Variants in CWF19L2 observed in about 807,000 individuals in gnomAD.
CWF19L2 encodes the protein CWF19 like cell cycle control factor 2.
In CWF19L2, 98 loss-of-function variants were observed where a neutral mutation model predicts 111.7. That is an observed-to-expected ratio of 0.88 (90% CI 0.75 to 1.04). The LOEUF (loss-of-function observed/expected upper bound fraction) is 1.04, where lower values mean the gene tolerates loss of function less well. Ranked by LOEUF, CWF19L2 falls within the 50% of genes least tolerant of loss-of-function variation. The pLI is 0.00. For missense variants in CWF19L2, 1,101 were observed against 1,051.4 expected, an observed-to-expected ratio of 1.05 and a Z score of -0.65; for synonymous variants, 351 against 342.9, an observed-to-expected ratio of 1.02 and a Z score of -0.26.
chr11:107,407,783 A>G (rs1157152515), intron 10 of CWF19L2, among the ~76,000 whole-genome samples: 1 of 152,084 alleles, frequency 6.6e-6, no homozygotes, highest in Non-Finnish European at 1.5e-5. Context: ...ACTATCCAAA[A>G]CAACTACTCT....
chr11:107,360,173 CATT>C (rs2134554700), intron 12 of CWF19L2, among the ~76,000 whole-genome samples: 1 of 152,286 alleles, frequency 6.6e-6, no homozygotes, highest in African/African-American at 2.4e-5. Flanking sequence ...CATGTGTATA[CATT>C]ATTTAGCTCC....
At chr11:107,343,672 T>C (rs1432456872) in intron 14 of CWF19L2, among the ~76,000 whole-genome samples, 2 of 152,172 alleles carry the variant, frequency 1.3e-5, no homozygotes, top group East Asian at 3.9e-4. Context: ...CGATGGTTAT[T>C]TGAACATTTT....
intron 14 of CWF19L2, among the ~76,000 whole-genome samples, chr11:107,345,250 A>T (rs1056834050): frequency 3.9e-5 from 6 of 152,234 alleles, no homozygotes; most frequent in Non-Finnish European, 5.9e-5. Context: ...TTACTTCAAT[A>T]TCTAGTCATA....
At position 107,374,182 on chromosome 11, in the gene CWF19L2, T is replaced by C. The variant is rs1478850093; in HGVS notation, c.1872+15892A>G. Among the ~76,000 whole-genome samples the C allele has an allele frequency of 7.6e-5, 10 of 132,428 alleles. 1 individual carries two copies. Among genetic ancestry groups the C allele is most frequent in the Non-Finnish European group, 1.4e-4 (9 of 63,176 alleles). The allele number at this position is 132,428 out of a possible 152,430, so 86.9% of individuals were successfully genotyped here. ...AAGTGACGGGGAGAATGGAACCAAG[T>C]TGGAAAACACTCTGCAGGATATTAT... On this transcript the variant is annotated intron_variant, in intron 12 of 17. Transcript: ENST00000282251.
At chr11:107,365,047 T>A (rs1860417386) in intron 12 of CWF19L2, among the ~76,000 whole-genome samples, 2 of 114,922 alleles carry the variant, frequency 1.7e-5, no homozygotes, top group Non-Finnish European at 3.5e-5. Context: ...TACAAACACC[T>A]CTATGCAAAT....
At chr11:107,422,095 A>G (rs1306417508) in intron 8 of CWF19L2, among the ~76,000 whole-genome samples, 1 of 152,074 alleles carries the variant, frequency 6.6e-6, no homozygotes, top group Non-Finnish European at 1.5e-5. Flanking sequence ...TCTGAGTGAA[A>G]GAAGACAGAC....
At chr11:107,405,171 G>A (rs561330028) in intron 10 of CWF19L2, among the ~76,000 whole-genome samples, 9 of 152,172 alleles carry the variant, frequency 5.9e-5, no homozygotes, top group Admixed American at 3.9e-4. Context: ...TCTAATTTTC[G>A]TGACCATAAA....
At chr11:107,387,885 G>C (rs1402248290) in intron 12 of CWF19L2, among the ~76,000 whole-genome samples, 1 of 152,098 alleles carries the variant, frequency 6.6e-6, no homozygotes, top group Non-Finnish European at 1.5e-5. Flanking sequence ...CATGGCCCAG[G>C]GATATGGGCC....
intron 11 of CWF19L2, among the ~76,000 whole-genome samples, chr11:107,391,308 TTC>T (rs145928582): frequency 0.041 from 6,240 of 152,234 alleles, 411 homozygotes; most frequent in African/African-American, 0.14. Context: ...TGAGCATTTG[TTC>T]TCTCTCTCTT....
chr11:107,421,742 T>C (rs752552692), intron 8 of CWF19L2, among the ~76,000 whole-genome samples: 3 of 152,124 alleles, frequency 2.0e-5, no homozygotes, highest in African/African-American at 7.2e-5. Flanking sequence ...CTGAAACTCT[T>C]ATACACTGTT....
chr11:107,439,676 A>AT, intron 5 of CWF19L2, among the ~76,000 whole-genome samples: 1 of 152,198 alleles, frequency 6.6e-6, no homozygotes, highest in Non-Finnish European at 1.5e-5. Flanking sequence ...GAATAACAGC[A>AT]CGTTCTTAAA....
At position 107,326,969 on chromosome 11, in the gene CWF19L2, C is replaced by T. The variant is rs766665594; in HGVS notation, c.2626G>A (p.Ala876Thr). Residue 876 changes from alanine to threonine, a missense_variant, in exon 18 of 18, where the codon GCA becomes ACA. Ala to Thr is a moderately conservative substitution (Grantham distance 58). Transcript: ENST00000282251. ...TTCCACCACTGAGCAAACTGCAGTG[C>T]TTTTTTCCTCTGATCCTCAAAGCTT... ...RESFEDQRKK[A>T]LQFAQWWKPY... The T allele has an allele frequency of 3.1e-5, 50 of 1,611,744 alleles. No homozygotes were observed. Among genetic ancestry groups the T allele is most frequent in the Non-Finnish European group, 4.1e-5 (48 of 1,178,928 alleles).
At chr11:107,362,843 GAGA>G (rs1860377022) in intron 12 of CWF19L2, among the ~76,000 whole-genome samples, 1 of 151,968 alleles carries the variant, frequency 6.6e-6, no homozygotes, top group South Asian at 2.1e-4. Flanking sequence ...GACGAGCTGA[GAGA>G]AGAAGGCTTC....
At chr11:107,409,472 A>C (rs370774243) in intron 10 of CWF19L2, among the ~76,000 whole-genome samples, 1 of 152,080 alleles carries the variant, frequency 6.6e-6, no homozygotes, top group East Asian at 1.9e-4. Flanking sequence ...TTAGGCAAAC[A>C]TTATTTCATT....
intron 12 of CWF19L2, among the ~76,000 whole-genome samples, chr11:107,379,260 A>G (rs1310112381): frequency 2.0e-5 from 3 of 152,190 alleles, no homozygotes; most frequent in African/African-American, 4.8e-5. Context: ...AAATGAGGCA[A>G]TTTTGCTTCC....
At chr11:107,358,387 A>G (rs1174787997) in intron 12 of CWF19L2, among the ~76,000 whole-genome samples, 1 of 152,012 alleles carries the variant, frequency 6.6e-6, no homozygotes, top group African/African-American at 2.4e-5. Context: ...ATATTTGAAG[A>G]AAGTTTACAA....
intron 12 of CWF19L2, among the ~76,000 whole-genome samples, chr11:107,367,470 A>G (rs528232536): frequency 0.049 from 6,251 of 128,330 alleles, 1,483 homozygotes; most frequent in African/African-American, 0.19. Context: ...AATGTGGCAC[A>G]TATACACCAT....
At chr11:107,411,938 G>C (rs1018933638) in intron 10 of CWF19L2, among the ~76,000 whole-genome samples, 6 of 152,188 alleles carry the variant, frequency 3.9e-5, no homozygotes, top group Non-Finnish European at 8.8e-5. Flanking sequence ...CTATCGAATG[G>C]AAGTCATTCT....
chr11:107,362,967 G>A (rs975920987), intron 12 of CWF19L2, among the ~76,000 whole-genome samples: 40 of 151,962 alleles, frequency 2.6e-4, no homozygotes, highest in African/African-American at 7.7e-4. Flanking sequence ...CCAATACAGA[G>A]AAGTGCTTAA....
Sources: gnomAD v4.1 joint callset for allele counts (sites outside exome capture counted in the v4.1 genomes callset) on GRCh38, gnomAD v4.1.1 for gene constraint, MANE v1.5 for transcripts, NCBI Gene and HGNC (gene_info 2026-07-23, HGNC 2026-07-21) for gene names.